The following PPM1E variants were observed in gnomAD, a reference collection of about 807,000 sequenced individuals.
PPM1E encodes the protein protein phosphatase 1E.
A neutral mutation model predicts 65.9 loss-of-function variants in PPM1E; 20 were observed. The ratio of observed to expected loss-of-function variants is 0.30; its 90% CI spans 0.21 to 0.44. The LOEUF is 0.44. PPM1E is among the 20% of genes least tolerant of loss of function. PPM1E has a pLI of 1.00. For missense variants in PPM1E, 713 were observed against 953.1 expected (o/e 0.75, Z 3.32); for synonymous variants, 352 against 374.9 (o/e 0.94, Z 0.70).
At chr17:58,944,928 T>G (rs1161311716) in intron 1 of PPM1E, among the ~76,000 whole-genome samples, 2 of 152,206 alleles carry the variant, frequency 1.3e-5, no homozygotes, top group East Asian at 1.9e-4. Flanking sequence ...GCTGTACCAC[T>G]TTACATCTCC....
Position 58,972,295 on chromosome 17 carries a change from A to T in PPM1E, c.1116+20A>T, listed in dbSNP as rs1478547100. ...AGAGAGGTAAGTATGGTCTGTTTTA[A>T]TAGAGCCCATGCTCTAGTTATTAGT... On this transcript the variant is annotated intron_variant, in intron 5 of 6. Coordinates refer to ENST00000308249, the MANE Select transcript of PPM1E (RefSeq NM_014906.5). The T allele has an allele frequency of 6.2e-7, 1 of 1,606,438 alleles. No individual in the cohort carries two copies. The highest frequency in any genetic ancestry group is 1.1e-5 in the South Asian group (1 of 90,570).
intron 1 of PPM1E, among the ~76,000 whole-genome samples, chr17:58,849,144 T>A (rs968222259): frequency 6.6e-6 from 1 of 152,180 alleles, no homozygotes; most frequent in Admixed American, 6.5e-5. Context: ...TTTTATTGCA[T>A]CTATTTGATT....
chr17:58,963,940 C>T (rs993436434), intron 2 of PPM1E, among the ~76,000 whole-genome samples: 2 of 152,016 alleles, frequency 1.3e-5, no homozygotes, highest in Admixed American at 6.6e-5. Context: ...CAGGATTTAC[C>T]ACCCTGTGCT....
rs186823726 is a variant in PPM1E, at chr17:58,956,912, T to C, written c.583+1145T>C. ...AAAGTAAACATTTCTGTTCTTCCTTTATCTCTGTAGATTGTTTGTGACAGA... is the reference window on the plus strand; with the variant it reads ...AAAGTAAACATTTCTGTTCTTCCTTCATCTCTGTAGATTGTTTGTGACAGA... On this transcript the variant is annotated intron_variant, in intron 2 of 6. Transcript: ENST00000308249. Among the ~76,000 whole-genome samples, 3 of 152,332 alleles carry C rather than the reference T, an allele frequency of 2.0e-5. No individual in the cohort carries two copies. The East Asian group carries it at 5.8e-4, about 29-fold the overall frequency.
intron 1 of PPM1E, among the ~76,000 whole-genome samples, chr17:58,824,928 T>C (rs931656538): frequency 9.9e-5 from 15 of 151,956 alleles, no homozygotes; most frequent in African/African-American, 3.6e-4. Flanking sequence ...TGTTTTATCT[T>C]GCATTGTATT....
intron 1 of PPM1E, among the ~76,000 whole-genome samples, chr17:58,853,925 A>G (rs780254147): frequency 1.3e-5 from 2 of 152,178 alleles, no homozygotes; most frequent in Non-Finnish European, 2.9e-5. Context: ...GAAATTCCAT[A>G]TAAATATTAG....
chr17:58,794,923 C>T, intron 1 of PPM1E, among the ~76,000 whole-genome samples: 2 of 139,502 alleles, frequency 1.4e-5, no homozygotes, highest in African/African-American at 2.8e-5. Flanking sequence ...GAGTCTTGCT[C>T]TGTCACCCAG....
intron 1 of PPM1E, among the ~76,000 whole-genome samples, chr17:58,881,001 T>C (rs1199005520): frequency 1.3e-5 from 2 of 152,184 alleles, no homozygotes; most frequent in Non-Finnish European, 2.9e-5. Flanking sequence ...GGAGGTAACT[T>C]TGTCTACTCA....
intron 1 of PPM1E, among the ~76,000 whole-genome samples, chr17:58,848,924 G>T (rs919451615): frequency 6.6e-6 from 1 of 152,066 alleles, no homozygotes; most frequent in Non-Finnish European, 1.5e-5. Context: ...TGGTTGGTAG[G>T]CTATTAATTA....
At chr17:58,929,305 T>C (rs1458793539) in intron 1 of PPM1E, among the ~76,000 whole-genome samples, 2 of 151,984 alleles carry the variant, frequency 1.3e-5, no homozygotes, top group Non-Finnish European at 2.9e-5. Context: ...AGAGTGAGGA[T>C]TGACTGGAAA....
Position 58,980,910 on chromosome 17 carries a change from T to A in PPM1E, c.2147T>A (p.Ile716Lys). The A allele has an allele frequency of 6.2e-7, 1 of 1,614,126 alleles. No homozygotes were observed. Among genetic ancestry groups the A allele is most frequent in the Non-Finnish European group, 8.5e-7 (1 of 1,179,942 alleles). Residue 716 changes from isoleucine to lysine, a missense_variant, in exon 7 of 7, where the codon ATA (isoleucine) becomes AAA (lysine). By Grantham distance (102) the Ile-to-Lys change is moderately radical (BLOSUM62 -3). This residue lies in a region of PPM1E where 286 missense variants were observed against 313.8 expected (regional missense o/e 0.91). Transcript: ENST00000308249. The surrounding 1 kb of genome is among the most constrained non-coding windows in gnomAD (Gnocchi z 4.7). Reference sequence around the variant, plus strand: ...ACTGGAAGTGGGAAGAGAAATAGGATAAGAAGTTCTCTGCCATGGAGGCAA... The same window carrying A: ...ACTGGAAGTGGGAAGAGAAATAGGAAAAGAAGTTCTCTGCCATGGAGGCAA... ...SLTGSGKRNR[I>K]RSSLPWRQNS...
chr17:58,837,952 A>G lies in PPM1E; in HGVS notation c.464+81491A>G, dbSNP rs542978855. ...GACTGTCCCAGAGAAGGTGATGATCACTGACAATAACGTGTTGATAAATCT... is the reference window on the plus strand; with the variant it reads ...GACTGTCCCAGAGAAGGTGATGATCGCTGACAATAACGTGTTGATAAATCT... On this transcript the variant is annotated intron_variant, in intron 1 of 6. Coordinates refer to ENST00000308249, the MANE Select transcript of PPM1E (RefSeq NM_014906.5). 9.2e-5 allele frequency among the ~76,000 whole-genome samples: 14 copies of G among 152,358 alleles called. No individual in the cohort carries two copies. The South Asian group carries it at 1.0e-3, about 11-fold the overall frequency.
chr17:58,808,944 A>G (rs1224237479), intron 1 of PPM1E, among the ~76,000 whole-genome samples: 3 of 152,176 alleles, frequency 2.0e-5, no homozygotes, highest in Admixed American at 6.5e-5. Context: ...CAAACAACCA[A>G]TAAGGACAAT....
chr17:58,914,106 C>G (rs2051658844), intron 1 of PPM1E, among the ~76,000 whole-genome samples: 1 of 152,112 alleles, frequency 6.6e-6, no homozygotes, highest in Non-Finnish European at 1.5e-5. Flanking sequence ...ATTTCTTTCA[C>G]CATCATAATT....
chr17:58,789,758 A>G (rs948184836), intron 1 of PPM1E, among the ~76,000 whole-genome samples: 1 of 151,498 alleles, frequency 6.6e-6, no homozygotes, highest in Non-Finnish European at 1.5e-5. Context: ...ATATATATAT[A>G]TATAAAATGC....
At chr17:58,960,284 AG>A (rs754598357) in intron 2 of PPM1E, among the ~76,000 whole-genome samples, 6 of 152,178 alleles carry the variant, frequency 3.9e-5, no homozygotes, top group Non-Finnish European at 8.8e-5. Context: ...AGATTTTCTC[AG>A]TTGTTTTTAC....
chr17:58,976,939 G>A (rs1402395586), intron 6 of PPM1E, among the ~76,000 whole-genome samples: 1 of 152,122 alleles, frequency 6.6e-6, no homozygotes, highest in Admixed American at 6.6e-5. Flanking sequence ...AATAGGGGAT[G>A]GGAACTTTAG....
rs2031307054 is a variant in PPM1E, at chr17:58,980,737, A to G, written c.1974A>G (p.Lys658=). The G allele has an allele frequency of 1.9e-6, 3 of 1,614,146 alleles. No individual in the cohort carries two copies. In the East Asian group the frequency reaches 6.7e-5, roughly 36 times the overall value. ...CAGGGTTGGAAAATGAACAGTTCAA[A>G]TCCCCGGGAAACAGAGTTTCTAGAT... ...VCSGLENEQF[K]SPGNRVSRLS... The change falls in exon 7 of 7, where the codon AAA becomes AAG. Residue 658 remains lysine (K), a synonymous_variant. Coordinates refer to ENST00000308249, the MANE Select transcript of PPM1E (RefSeq NM_014906.5). The surrounding 1 kb of genome is among the most constrained non-coding windows in gnomAD (Gnocchi z 4.7).
chr17:58,942,091 A>T (rs142996614), intron 1 of PPM1E, among the ~76,000 whole-genome samples: 2,288 of 151,878 alleles, frequency 0.015, 54 homozygotes, highest in African/African-American at 0.052. Context: ...TTTGAAAAAT[A>T]CTGATGAATA....
Sources: allele counts gnomAD v4.1 joint callset (sites outside exome capture counted in the v4.1 genomes callset), GRCh38; gene constraint gnomAD v4.1.1; regional missense constraint gnomAD v4.1.1; non-coding constraint Gnocchi (gnomAD v3.1); transcripts MANE v1.5; gene names NCBI Gene and HGNC (gene_info 2026-07-23, HGNC 2026-07-21).